The following CNTNAP2 variants were observed in gnomAD, a reference collection of about 807,000 sequenced individuals.
CNTNAP2 encodes the protein contactin associated protein 2.
In CNTNAP2, 98 loss-of-function variants were observed where a neutral mutation model predicts 155.2. That is an observed-to-expected ratio of 0.63 (90% CI 0.54 to 0.75). CNTNAP2 has a LOEUF of 0.75. Ranked by LOEUF, CNTNAP2 falls within the 30% of genes least tolerant of loss-of-function variation. The pLI is 0.00. For synonymous variants in CNTNAP2, 651 were observed against 631.2 expected, an observed-to-expected ratio of 1.03 and a Z score of -0.47; for missense variants, 1,727 against 1,688.1, an observed-to-expected ratio of 1.02 and a Z score of -0.40.
chr7:147,998,673 AC>A (rs1303572408), intron 15 of CNTNAP2, among the ~76,000 whole-genome samples: 1 of 152,148 alleles, frequency 6.6e-6, no homozygotes, highest in South Asian at 2.1e-4. Flanking sequence ...GATTAGCCAA[AC>A]GTAAAGAAGC....
At chr7:147,351,802 A>G (rs760964064) in intron 9 of CNTNAP2, among the ~76,000 whole-genome samples, 12 of 151,914 alleles carry the variant, frequency 7.9e-5, no homozygotes, top group Non-Finnish European at 1.6e-4. Flanking sequence ...CTTCAATGGT[A>G]GCTAAAGAGC....
chr7:147,395,815 AAACTTTCCAAACCTGTGTTTCTGTT>A, intron 10 of CNTNAP2, 35 bp downstream of exon 10: 1 of 1,609,150 alleles, frequency 6.2e-7, no homozygotes, highest in Non-Finnish European at 8.5e-7. Context: ...CACGTTGTCC[AAACTTTCCAAACCTGTGTTTCTGTT>A]GTGAGACCAG....
intron 15 of CNTNAP2, among the ~76,000 whole-genome samples, chr7:148,099,642 G>C (rs1804053686): frequency 6.6e-6 from 1 of 151,924 alleles, no homozygotes; most frequent in Non-Finnish European, 1.5e-5. Context: ...GTTCCAGGAT[G>C]GACTTTCTCC....
At chr7:146,140,312 A>G (rs1042376370) in intron 1 of CNTNAP2, among the ~76,000 whole-genome samples, 4 of 151,980 alleles carry the variant, frequency 2.6e-5, no homozygotes, top group African/African-American at 7.2e-5. Context: ...TTCCTGTTCA[A>G]TGTCTCAAGT....
At chr7:147,067,962 C>T (rs1360038658) in intron 4 of CNTNAP2, among the ~76,000 whole-genome samples, 1 of 152,228 alleles carries the variant, frequency 6.6e-6, no homozygotes, top group Non-Finnish European at 1.5e-5. Context: ...CATGGCCTAG[C>T]CCATCGGCGT....
chr7:146,685,178 G>A (rs12703832), intron 1 of CNTNAP2, among the ~76,000 whole-genome samples: 90,910 of 151,990 alleles, frequency 0.6, 31,234 homozygotes, highest in South Asian at 0.85. Flanking sequence ...CAAACGAGTT[G>A]ACATAAAAGA....
At chr7:146,649,934 A>G (rs1799879068) in intron 1 of CNTNAP2, among the ~76,000 whole-genome samples, 1 of 152,226 alleles carries the variant, frequency 6.6e-6, no homozygotes, top group Non-Finnish European at 1.5e-5. Context: ...AGTGGTCATT[A>G]GAGAAATGCA....
chr7:147,903,837 A>C (rs1176004348), intron 14 of CNTNAP2, 116 bp downstream of exon 14: 1 of 1,350,676 alleles, frequency 7.4e-7, no homozygotes, highest in African/African-American at 1.4e-5. Context: ...TAGGGTAGAA[A>C]GGTCTGGAAC....
At chr7:146,153,999 A>G (rs896052105) in intron 1 of CNTNAP2, among the ~76,000 whole-genome samples, 1 of 151,700 alleles carries the variant, frequency 6.6e-6, no homozygotes, top group Non-Finnish European at 1.5e-5. Flanking sequence ...GTATTTTTCA[A>G]TTTCTTACCA....
At chr7:147,875,901 A>G (rs748150804) in intron 13 of CNTNAP2, among the ~76,000 whole-genome samples, 5 of 152,174 alleles carry the variant, frequency 3.3e-5, no homozygotes, top group Non-Finnish European at 5.9e-5. Context: ...ATTAAGGAGT[A>G]TTCTTCAGTG....
intron 3 of CNTNAP2, among the ~76,000 whole-genome samples, chr7:146,844,542 T>C (rs1170833532): frequency 1.3e-5 from 2 of 152,260 alleles, no homozygotes; most frequent in South Asian, 2.1e-4. Context: ...TGTATAAGCA[T>C]TTTGTATCAG....
intron 1 of CNTNAP2, among the ~76,000 whole-genome samples, chr7:146,179,018 C>T (rs543524242): frequency 7.2e-5 from 11 of 152,282 alleles, no homozygotes; most frequent in Admixed American, 2.6e-4. Flanking sequence ...ACTTTTACAA[C>T]ATGAAGATTT....
intron 3 of CNTNAP2, among the ~76,000 whole-genome samples, chr7:146,886,631 G>C (rs1157695147): frequency 1.3e-5 from 2 of 151,484 alleles, no homozygotes; most frequent in Non-Finnish European, 2.9e-5. Flanking sequence ...TTTCTTTTTA[G>C]GCATTTCAAA....
intron 1 of CNTNAP2, among the ~76,000 whole-genome samples, chr7:146,472,055 A>G (rs1308602486): frequency 6.6e-6 from 1 of 152,186 alleles, no homozygotes; most frequent in Non-Finnish European, 1.5e-5. Context: ...AAAATATTAT[A>G]AACATTTTAT....
At chr7:146,969,560 A>G (rs1427437250) in intron 3 of CNTNAP2, among the ~76,000 whole-genome samples, 3 of 152,108 alleles carry the variant, frequency 2.0e-5, no homozygotes, top group South Asian at 4.1e-4. Flanking sequence ...CTTTACCATT[A>G]TGTAATGGCC....
At chr7:147,851,125 A>C (rs989585098) in intron 13 of CNTNAP2, among the ~76,000 whole-genome samples, 1 of 152,186 alleles carries the variant, frequency 6.6e-6, no homozygotes, top group African/African-American at 2.4e-5. Context: ...ATGAACAGAC[A>C]CTTCTCAAAA....
rs145026852 is a variant in CNTNAP2, at chr7:146,560,345, G to T, written c.98-213926G>T. Among the ~76,000 whole-genome samples, 17 of 151,682 alleles carry T rather than the reference G, an allele frequency of 1.1e-4. No individual in the cohort carries two copies. In the East Asian group the frequency reaches 3.1e-3, roughly 28 times the overall value. On this transcript the variant is annotated intron_variant, in intron 1 of 23. Transcript: ENST00000361727. Reference sequence around the variant, plus strand: ...AAAAGCCAGGTTATTTATTATGATGGTGTATATACATATATGTTTATATAC... The same window carrying T: ...AAAAGCCAGGTTATTTATTATGATGTTGTATATACATATATGTTTATATAC...
chr7:147,367,747 T>A (rs563604742), intron 9 of CNTNAP2, among the ~76,000 whole-genome samples: 2 of 152,264 alleles, frequency 1.3e-5, no homozygotes, highest in African/African-American at 4.8e-5. Flanking sequence ...GTTAAGAGAA[T>A]GGTGGGCAAA....
At chr7:146,782,625 G>A (rs977712137) in intron 2 of CNTNAP2, among the ~76,000 whole-genome samples, 2 of 152,278 alleles carry the variant, frequency 1.3e-5, no homozygotes, top group East Asian at 1.9e-4. Context: ...TGTCATCTGA[G>A]TCAGGAACTT....
Sources: allele counts gnomAD v4.1 joint callset (sites outside exome capture counted in the v4.1 genomes callset), GRCh38; gene constraint gnomAD v4.1.1; transcripts MANE v1.5; gene names NCBI Gene and HGNC (gene_info 2026-07-23, HGNC 2026-07-21).